The following PDLIM5 variants were observed in gnomAD, a reference collection of about 807,000 sequenced individuals.
PDLIM5 encodes the protein PDZ and LIM domain 5, also known as PDZ and LIM domain protein 5.
Under a neutral mutation model 64.2 loss-of-function variants are expected in PDLIM5, and 34 were observed. That is an observed-to-expected ratio of 0.53 (90% CI 0.40 to 0.71). The LOEUF is 0.71. Among genes scored for constraint, PDLIM5 ranks in the 30% least tolerant of loss-of-function variants. PDLIM5 has a pLI of 0.00. For missense variants in PDLIM5, 683 were observed against 733.6 expected (o/e 0.93, Z 0.80); for synonymous variants, 253 against 269.1 (o/e 0.94, Z 0.59).
chr4:94,556,473 A>G (rs1353563326), intron 3 of PDLIM5, among the ~76,000 whole-genome samples: 5 of 152,190 alleles, frequency 3.3e-5, no homozygotes, highest in Non-Finnish European at 7.3e-5. Context: ...TCCTTGAGGA[A>G]TTGCCACACT....
At chr4:94,633,394 C>T (rs527889425) in intron 8 of PDLIM5, among the ~76,000 whole-genome samples, 2 of 152,152 alleles carry the variant, frequency 1.3e-5, no homozygotes, top group African/African-American at 4.8e-5. Flanking sequence ...GTATTTCAAT[C>T]CATTGTAGTT....
chr4:94,587,893 A>AT (rs1245366064), intron 7 of PDLIM5: 2 of 897,992 alleles, frequency 2.2e-6, no homozygotes, highest in African/African-American at 1.8e-5. Context: ...CATAAAATAA[A>AT]TTACAATATG....
chr4:94,576,548 A>G (rs1735277794), intron 5 of PDLIM5, among the ~76,000 whole-genome samples: 1 of 152,250 alleles, frequency 6.6e-6, no homozygotes, highest in Non-Finnish European at 1.5e-5. Context: ...TAGAGCAGAG[A>G]GCTAACAACA....
At chr4:94,643,070 T>A (rs1509621) in intron 9 of PDLIM5, among the ~76,000 whole-genome samples, 149,557 of 152,148 alleles carry the variant, frequency 0.98, 73,538 homozygotes, top group East Asian at 1. Flanking sequence ...TTATTTATTT[T>A]TTTTTTTTCA....
At chr4:94,657,671 T>C (rs1742313867) in intron 11 of PDLIM5, 124 bp downstream of exon 11, 3 of 692,148 alleles carry the variant, frequency 4.3e-6, no homozygotes, top group South Asian at 5.1e-5. Flanking sequence ...TGGAAGCATT[T>C]AATGCTGCTC....
intron 2 of PDLIM5, among the ~76,000 whole-genome samples, chr4:94,477,717 T>C (rs189545291): frequency 1.4e-4 from 21 of 152,286 alleles, no homozygotes; most frequent in Admixed American, 5.2e-4. Context: ...TATATGGTGA[T>C]TTTTTACAAT....
At chr4:94,494,429 C>CTTT (rs1261064734) in intron 2 of PDLIM5, among the ~76,000 whole-genome samples, 2 of 51,598 alleles carry the variant, frequency 3.9e-5, no homozygotes, top group African/African-American at 4.8e-5. Flanking sequence ...TTTTTTTTTT[C>CTTT]TTGTTTTTTT....
At chr4:94,629,779 G>A (rs1294843275) in intron 8 of PDLIM5, among the ~76,000 whole-genome samples, 1 of 152,190 alleles carries the variant, frequency 6.6e-6, no homozygotes, top group East Asian at 1.9e-4. Flanking sequence ...TAGAGAAATG[G>A]TAATAGTTTA....
At chr4:94,455,736 A>C (rs1723282079) in intron 2 of PDLIM5, 1 of 1,480,632 alleles carries the variant, frequency 6.8e-7, no homozygotes, top group African/African-American at 1.4e-5. Context: ...GATTTTAATA[A>C]TCTCTTTCAG....
intron 5 of PDLIM5, among the ~76,000 whole-genome samples, chr4:94,578,460 A>G (rs1261662975): frequency 6.6e-6 from 1 of 152,174 alleles, no homozygotes; most frequent in Non-Finnish European, 1.5e-5. Flanking sequence ...AACTGGGTGT[A>G]TTTAAAAATA....
intron 11 of PDLIM5, among the ~76,000 whole-genome samples, chr4:94,660,608 A>T (rs1742617703): frequency 6.6e-6 from 1 of 152,226 alleles, no homozygotes. Flanking sequence ...CCCATGAGGA[A>T]AGCAACCTCA....
At chr4:94,626,693 C>T (rs1435429244) in intron 8 of PDLIM5, among the ~76,000 whole-genome samples, 6 of 151,794 alleles carry the variant, frequency 4.0e-5, no homozygotes, top group African/African-American at 1.2e-4. Context: ...TTTAATCATA[C>T]CCGCTTCTGG....
chr4:94,527,999 G>A (rs1308510030), intron 3 of PDLIM5, among the ~76,000 whole-genome samples: 1 of 152,136 alleles, frequency 6.6e-6, no homozygotes, highest in Admixed American at 6.5e-5. Context: ...ACGTGCTATG[G>A]GATTCTATCC....
rs757252368 is a variant in PDLIM5 at position 94,648,551 on chromosome 4, C to T, written c.1284-5909C>T. On this transcript the variant is annotated intron_variant, in intron 9 of 12. Coordinates refer to ENST00000317968, the MANE Select transcript of PDLIM5 (RefSeq NM_006457.5). Reference sequence around the variant, plus strand: ...CTGGCCTCAAGTGATCCGCCCGTCTCGGCCTCCCAAAATGCTGGGATTATA... The same window carrying T: ...CTGGCCTCAAGTGATCCGCCCGTCTTGGCCTCCCAAAATGCTGGGATTATA... 1.5e-4 allele frequency among the ~76,000 whole-genome samples: 23 copies of T among 152,278 alleles called. 1 individual carries two copies. The East Asian group carries it at 2.9e-3, about 19-fold the overall frequency.
At chr4:94,590,470 C>G (rs1304636683) in intron 7 of PDLIM5, among the ~76,000 whole-genome samples, 1 of 152,088 alleles carries the variant, frequency 6.6e-6, no homozygotes, top group Non-Finnish European at 1.5e-5. Flanking sequence ...AGGCACTAAT[C>G]AATGTACTAG....
intron 8 of PDLIM5, among the ~76,000 whole-genome samples, chr4:94,627,374 A>G (rs1739782931): frequency 1.3e-5 from 2 of 152,184 alleles, no homozygotes; most frequent in African/African-American, 4.8e-5. Flanking sequence ...TCCAGTGCTG[A>G]TGCAAGGCTT....
chr4:94,654,688 A>T, intron 10 of PDLIM5, 48 bp downstream of exon 10: 2 of 1,233,176 alleles, frequency 1.6e-6, no homozygotes, highest in Non-Finnish European at 2.3e-6. Context: ...AAAGTAGAAT[A>T]ATTTTTTGAT....
intron 3 of PDLIM5, among the ~76,000 whole-genome samples, chr4:94,572,665 C>T (rs1734905996): frequency 6.6e-6 from 1 of 152,196 alleles, no homozygotes; most frequent in Non-Finnish European, 1.5e-5. Flanking sequence ...TTCACTCTCT[C>T]TTTTCCACAC....
intron 2 of PDLIM5, among the ~76,000 whole-genome samples, chr4:94,503,640 A>G (rs1031613659): frequency 5.9e-5 from 9 of 152,160 alleles, no homozygotes; most frequent in African/African-American, 2.2e-4. Context: ...CAATCAAACC[A>G]TTTAGTTTCT....
Sources: allele counts gnomAD v4.1 joint callset (sites outside exome capture counted in the v4.1 genomes callset), GRCh38; gene constraint gnomAD v4.1.1; transcripts MANE v1.5; gene names NCBI Gene and HGNC (gene_info 2026-07-23, HGNC 2026-07-21).